SIPA1L1: variants seen among roughly 807,000 people sequenced by gnomAD.
SIPA1L1 encodes signal-induced proliferation-associated 1-like protein 1.
Under a neutral mutation model 162.7 loss-of-function variants are expected in SIPA1L1, and 26 were observed. That is an observed-to-expected ratio of 0.16 (90% confidence interval 0.12 to 0.22). The LOEUF (loss-of-function observed/expected upper bound fraction) is 0.22, where lower values mean the gene tolerates loss of function less well. Among genes scored for constraint, SIPA1L1 ranks in the 10% least tolerant of loss-of-function variants. The probability of loss-of-function intolerance (pLI) is 1.00; values close to 1 mark genes in which losing one functional copy is unlikely to be tolerated. For synonymous variants in SIPA1L1, 829 were observed against 837.4 expected (o/e 0.99, Z 0.17); for missense variants, 1,874 against 2,241.0 (o/e 0.84, Z 3.31).
At chr14:71,609,647 A>G (rs2037962625) in intron 5 of SIPA1L1, among the ~76,000 whole-genome samples, 1 of 151,850 alleles carries the variant, frequency 6.6e-6, no homozygotes, top group African/African-American at 2.4e-5. Flanking sequence ...TTGAATTTTT[A>G]GTGGAGAAGG....
chr14:71,496,360 A>AT (rs149840890), intron 2 of SIPA1L1, among the ~76,000 whole-genome samples: 1,619 of 149,352 alleles, frequency 0.011, 20 homozygotes, highest in Admixed American at 0.039. Context: ...TTTGCTTGTG[A>AT]TTTTTTTTTT....
intron 2 of SIPA1L1, among the ~76,000 whole-genome samples, chr14:71,477,952 G>C (rs151084543): frequency 6.6e-6 from 1 of 152,174 alleles, no homozygotes; most frequent in South Asian, 2.1e-4. Flanking sequence ...CAGAGTATTT[G>C]TGTCATTTTC....
At chr14:71,649,629 C>A (rs887496594) in intron 7 of SIPA1L1, among the ~76,000 whole-genome samples, 2 of 152,052 alleles carry the variant, frequency 1.3e-5, no homozygotes, top group East Asian at 3.8e-4. Context: ...TCTCTTAATC[C>A]TTCATTTTAA....
intron 2 of SIPA1L1, among the ~76,000 whole-genome samples, chr14:71,360,478 A>C (rs2037705408): frequency 6.6e-6 from 1 of 152,250 alleles, no homozygotes; most frequent in South Asian, 2.1e-4. Flanking sequence ...ACAGATTTTC[A>C]CTGAAGTATC....
rs117509558 is a variant in SIPA1L1 at position 71,489,728 on chromosome 14, A to G, written c.-464-23015A>G. Among the ~76,000 whole-genome samples, 335 of 152,094 alleles carry G rather than the reference A, an allele frequency of 2.2e-3. 2 individuals carry two copies. The highest frequency in any genetic ancestry group is 0.017 in the Admixed American group (253 of 15,252). On this transcript the variant is annotated intron_variant, in intron 2 of 23. Transcript: ENST00000381232. The stretch of plus-strand genomic sequence containing the variant: ...AAAAAAAAAAAAGAAAAAAAGAAAA[A>G]TTGCCAAAAAATCTCATAATGTTTT...
chr14:71,587,866 T>G lies in SIPA1L1; in HGVS notation c.-7T>G. 1 of 1,595,742 alleles carries G rather than the reference T, an allele frequency of 6.3e-7. No individual in the cohort carries two copies. The highest frequency in any genetic ancestry group is 8.6e-7 in the Non-Finnish European group (1 of 1,165,262). Reference sequence around the variant, plus strand: ...TGCAGGGATTTAAGTCTACTTGCTTTTACATCATGACCAGCTTGAAACGGT... The same window carrying G: ...TGCAGGGATTTAAGTCTACTTGCTTGTACATCATGACCAGCTTGAAACGGT... On this transcript the variant is annotated 5_prime_UTR_variant, in exon 5 of 24. Transcript: ENST00000381232.
chr14:71,731,357 A>G (rs1439954717), intron 20 of SIPA1L1, among the ~76,000 whole-genome samples: 1 of 151,796 alleles, frequency 6.6e-6, no homozygotes, highest in Admixed American at 6.6e-5. Flanking sequence ...AAGCTGCTCC[A>G]TCCACCTGCA....
chr14:71,566,020 A>G (rs1156830677), intron 4 of SIPA1L1, among the ~76,000 whole-genome samples: 1 of 152,140 alleles, frequency 6.6e-6, no homozygotes, highest in Non-Finnish European at 1.5e-5. Context: ...AAACATTGTC[A>G]TTTTGAAAAT....
intron 20 of SIPA1L1, among the ~76,000 whole-genome samples, chr14:71,732,534 G>C (rs973373991): frequency 7.2e-5 from 11 of 152,232 alleles, no homozygotes; most frequent in African/African-American, 2.2e-4. Flanking sequence ...CAGTGTTCAG[G>C]GTGGCTCACT....
At chr14:71,547,254 G>A (rs1027682660) in intron 4 of SIPA1L1, among the ~76,000 whole-genome samples, 2 of 149,572 alleles carry the variant, frequency 1.3e-5, no homozygotes, top group African/African-American at 4.9e-5. Context: ...TTCATTATTG[G>A]ATAGATTCAT....
At chr14:71,617,917 A>G (rs768482652) in intron 5 of SIPA1L1, among the ~76,000 whole-genome samples, 4 of 152,240 alleles carry the variant, frequency 2.6e-5, no homozygotes, top group African/African-American at 7.2e-5. Context: ...CATCTCATGT[A>G]TGTATCAACA....
intron 15 of SIPA1L1, chr14:71,704,673 A>G (rs377437678): frequency 9.6e-5 from 139 of 1,442,796 alleles, no homozygotes; most frequent in South Asian, 3.0e-4. Flanking sequence ...AAAGGAAGCA[A>G]TTGTTTTAAG....
At chr14:71,650,313 A>G (rs2042516407) in intron 7 of SIPA1L1, 22 bp from the exon 8 acceptor site, 4 of 1,613,568 alleles carry the variant, frequency 2.5e-6, no homozygotes, top group East Asian at 2.2e-5. Flanking sequence ...ATTTATATGC[A>G]TCGTATTACC....
intron 7 of SIPA1L1, among the ~76,000 whole-genome samples, chr14:71,640,291 A>G (rs1273558935): frequency 1.3e-5 from 2 of 152,246 alleles, no homozygotes; most frequent in African/African-American, 2.4e-5. Context: ...TGAGAAAAAC[A>G]TAGGAGAAAA....
At chr14:71,683,119 A>T (rs74955145) in intron 12 of SIPA1L1, among the ~76,000 whole-genome samples, 1 of 152,328 alleles carries the variant, frequency 6.6e-6, no homozygotes, top group East Asian at 1.9e-4. Context: ...ACGTCACAGC[A>T]CTCCAGCCTA....
intron 2 of SIPA1L1, among the ~76,000 whole-genome samples, chr14:71,324,446 C>T (rs1030013657): frequency 7.9e-5 from 12 of 152,160 alleles, no homozygotes; most frequent in African/African-American, 2.9e-4. Context: ...TTTCTCCCCC[C>T]ACTTAAGAGT....
chr14:71,408,062 A>G (rs1196716009), intron 2 of SIPA1L1, among the ~76,000 whole-genome samples: 2 of 152,306 alleles, frequency 1.3e-5, no homozygotes, highest in South Asian at 2.1e-4. Flanking sequence ...GTTGTTATTA[A>G]TGACTTTGAT....
At chr14:71,467,245 C>T (rs2142068573) in intron 2 of SIPA1L1, 1 of 152,286 alleles carries the variant, frequency 6.6e-6, no homozygotes, top group East Asian at 1.9e-4. Flanking sequence ...TGACTATTTA[C>T]AGGTAAAGAA....
chr14:71,665,651 T>G (rs2043932365), intron 10 of SIPA1L1, among the ~76,000 whole-genome samples: 1 of 152,188 alleles, frequency 6.6e-6, no homozygotes, highest in African/African-American at 2.4e-5. Context: ...ATGAATTCAA[T>G]AAGCATAGCA....
Sources: allele counts gnomAD v4.1 joint callset (sites outside exome capture counted in the v4.1 genomes callset), GRCh38; gene constraint gnomAD v4.1.1; transcripts MANE v1.5; gene names NCBI Gene and HGNC (gene_info 2026-07-23, HGNC 2026-07-21).